The following TNFSF4 variants were observed in gnomAD, a reference collection of about 807,000 sequenced individuals.
TNFSF4 encodes the protein TNF superfamily member 4, also known as tumor necrosis factor ligand superfamily member 4.
TNFSF4 carries 4 observed loss-of-function variants against 7.3 expected under a neutral mutation model. The observed-to-expected ratio is 0.55, with a 90% CI of 0.27 to 1.25. TNFSF4 has a LOEUF of 1.25. Ranked by LOEUF, TNFSF4 falls within the 50% of genes most tolerant of loss-of-function variation. The pLI, the probability that TNFSF4 is intolerant of heterozygous loss-of-function variation, is 0.12. For missense variants in TNFSF4, 181 were observed against 208.8 expected (o/e 0.87, Z 0.82); for synonymous variants, 76 against 83.7 (o/e 0.91, Z 0.50).
chr1:173,306,072 A>G, the TNFSF4 span, among the ~76,000 whole-genome samples: 1 of 151,832 alleles, frequency 6.6e-6, no homozygotes, highest in Non-Finnish European at 1.5e-5. Context: ...CCATTTTAAC[A>G]TCTCATCTCA....
At chr1:173,266,997 T>A in the TNFSF4 span, among the ~76,000 whole-genome samples, 1 of 152,178 alleles carries the variant, frequency 6.6e-6, no homozygotes, top group South Asian at 2.1e-4. Flanking sequence ...GTGTTCTCAA[T>A]GTGGAAAAGA....
At chr1:173,256,004 T>A in the TNFSF4 span, among the ~76,000 whole-genome samples, 3 of 152,268 alleles carry the variant, frequency 2.0e-5, no homozygotes, top group East Asian at 3.9e-4. Flanking sequence ...TCCTTGAAAA[T>A]TTCTTGAAAA....
At chr1:173,348,758 T>C in the TNFSF4 span, among the ~76,000 whole-genome samples, 4 of 152,124 alleles carry the variant, frequency 2.6e-5, no homozygotes, top group African/African-American at 9.7e-5. Flanking sequence ...CATAAGAAGA[T>C]ACTATGAACA....
the TNFSF4 span, among the ~76,000 whole-genome samples, chr1:173,229,427 A>G: frequency 1.3e-5 from 2 of 152,356 alleles, no homozygotes; most frequent in Admixed American, 1.3e-4. Context: ...GAGCTCCTGA[A>G]GGAAGCACTA....
At chr1:173,390,927 G>T in the TNFSF4 span, among the ~76,000 whole-genome samples, 1 of 151,518 alleles carries the variant, frequency 6.6e-6, no homozygotes, top group South Asian at 2.1e-4. Flanking sequence ...TGTATTTTTA[G>T]TAGAGACAGG....
the TNFSF4 span, among the ~76,000 whole-genome samples, chr1:173,261,423 G>T: frequency 1.3e-5 from 2 of 152,000 alleles, no homozygotes; most frequent in Admixed American, 6.6e-5. Context: ...AAGAATGAAA[G>T]AACGAAGAGC....
chr1:173,264,617 C>T, the TNFSF4 span, among the ~76,000 whole-genome samples: 1 of 152,186 alleles, frequency 6.6e-6, no homozygotes, highest in Non-Finnish European at 1.5e-5. Context: ...AGCAAATCTT[C>T]ATTGCCAAAC....
chr1:173,217,177 T>C, the TNFSF4 span, among the ~76,000 whole-genome samples: 1 of 152,310 alleles, frequency 6.6e-6, no homozygotes, highest in South Asian at 2.1e-4. Context: ...CTCCCCTGGG[T>C]GGAGAAACTC....
the TNFSF4 span, among the ~76,000 whole-genome samples, chr1:173,395,243 G>A: frequency 1.3e-5 from 2 of 150,820 alleles, no homozygotes; most frequent in East Asian, 2.0e-4. Context: ...AGATACTAAT[G>A]ACTATTTTCA....
the TNFSF4 span, among the ~76,000 whole-genome samples, chr1:173,307,867 T>C: frequency 6.6e-6 from 1 of 151,940 alleles, no homozygotes; most frequent in African/African-American, 2.4e-5. Flanking sequence ...GTTGAATTAT[T>C]TCAAAATAAA....
chr1:173,197,272 T>C (rs746709016), intron 1 of TNFSF4, among the ~76,000 whole-genome samples: 4 of 152,230 alleles, frequency 2.6e-5, no homozygotes, highest in Admixed American at 6.5e-5. Context: ...TGGAAGACAG[T>C]GTGGCAATTC....
At chr1:173,295,407 G>A in the TNFSF4 span, among the ~76,000 whole-genome samples, 1 of 151,936 alleles carries the variant, frequency 6.6e-6, no homozygotes, top group Non-Finnish European at 1.5e-5. Context: ...TAATAAAAAG[G>A]AATTAATCAT....
the TNFSF4 span, among the ~76,000 whole-genome samples, chr1:173,253,439 G>A: frequency 2.2e-4 from 33 of 152,298 alleles, no homozygotes; most frequent in East Asian, 1.3e-3. Context: ...CTAGATACTT[G>A]GTAAGAGTGT....
the TNFSF4 span, among the ~76,000 whole-genome samples, chr1:173,274,563 G>C: frequency 6.6e-6 from 1 of 152,052 alleles, no homozygotes; most frequent in African/African-American, 2.4e-5. Flanking sequence ...CAAAACTGTG[G>C]ATGTGATAGA....
chr1:173,391,435 CAAAAAAAAAAAA>C, the TNFSF4 span, among the ~76,000 whole-genome samples: 29 of 108,818 alleles, frequency 2.7e-4, no homozygotes, highest in Admixed American at 3.1e-4. Context: ...CCTTAGAAAG[CAAAAAAAAAAAA>C]AAAAAAAAAA....
chr1:173,428,312 G>A, the TNFSF4 span, among the ~76,000 whole-genome samples: 1 of 152,030 alleles, frequency 6.6e-6, no homozygotes, highest in Non-Finnish European at 1.5e-5. Flanking sequence ...TGTTATGAGG[G>A]GCATGACTGT....
chr1:173,381,797 T>A, the TNFSF4 span, among the ~76,000 whole-genome samples: 1 of 152,222 alleles, frequency 6.6e-6, no homozygotes, highest in African/African-American at 2.4e-5. Context: ...GGTGGGGACT[T>A]GAAGAACTTT....
the TNFSF4 span, among the ~76,000 whole-genome samples, chr1:173,173,886 A>G: frequency 6.6e-6 from 1 of 152,212 alleles, no homozygotes; most frequent in Non-Finnish European, 1.5e-5. Context: ...CATGCCCTGG[A>G]GACATTTTCT....
the TNFSF4 span, among the ~76,000 whole-genome samples, chr1:173,249,480 C>T: frequency 1.3e-5 from 2 of 152,220 alleles, no homozygotes; most frequent in African/African-American, 2.4e-5. Context: ...AAGCTACACT[C>T]TGGTAGAGCT....
Sources: gnomAD v4.1 joint callset for allele counts (sites outside exome capture counted in the v4.1 genomes callset) on GRCh38, gnomAD v4.1.1 for gene constraint, MANE v1.5 for transcripts, NCBI Gene and HGNC (gene_info 2026-07-23, HGNC 2026-07-21) for gene names.